Variants in ARFGEF1 observed in about 807,000 individuals in gnomAD.
ARFGEF1 encodes ARF guanine nucleotide exchange factor 1.
A neutral mutation model predicts 231.0 loss-of-function variants in ARFGEF1; 42 were observed. The observed-to-expected ratio is 0.18, with a 90% CI of 0.14 to 0.24. ARFGEF1 has a LOEUF of 0.24. ARFGEF1 is among the 10% of genes least tolerant of loss of function. ARFGEF1 has a pLI of 1.00. For missense variants in ARFGEF1, 1,345 were observed against 2,192.0 expected (o/e 0.61, Z 7.72); for synonymous variants, 710 against 732.3 (o/e 0.97, Z 0.49).
At chr8:67,238,217 T>G in intron 22 of ARFGEF1, 126 bp downstream of exon 22, 1 of 1,014,230 alleles carries the variant, frequency 9.9e-7, no homozygotes, top group Non-Finnish European at 1.4e-6. Flanking sequence ...GTCATCTTGC[T>G]TTTTCTCATA....
chr8:67,202,103 A>C (rs1340932106), intron 36 of ARFGEF1, among the ~76,000 whole-genome samples: 1 of 152,236 alleles, frequency 6.6e-6, no homozygotes, highest in African/African-American at 2.4e-5. Context: ...TGTAAAGGAA[A>C]GAGAATGGCA....
Position 67,219,577 on chromosome 8 carries a change from C to T in ARFGEF1, c.4209-17G>A, listed in dbSNP as rs1474095611. 6.4e-7 allele frequency: 1 copy of T among 1,571,610 alleles called. No individual in the cohort carries two copies. The highest frequency in any genetic ancestry group is 2.3e-5 in the East Asian group (1 of 43,818). ...GTTAAACCCCTAAAATGACAAAACACAATTAGAAAGCTGTAATACAAAAAA... is the reference window on the plus strand; with the variant it reads ...GTTAAACCCCTAAAATGACAAAACATAATTAGAAAGCTGTAATACAAAAAA... On this transcript the variant is annotated splice_polypyrimidine_tract_variant and intron_variant, in intron 29 of 38. Coordinates refer to ENST00000262215, the MANE Select transcript of ARFGEF1 (RefSeq NM_006421.5).
chr8:67,240,932 A>G (rs1255103862), intron 19 of ARFGEF1, among the ~76,000 whole-genome samples: 1 of 152,186 alleles, frequency 6.6e-6, no homozygotes, highest in African/African-American at 2.4e-5. Context: ...AGCAAAAAAG[A>G]CGCTACTTTT....
At chr8:67,326,595 A>C (rs1563917452) in intron 1 of ARFGEF1, among the ~76,000 whole-genome samples, 1 of 152,220 alleles carries the variant, frequency 6.6e-6, no homozygotes, top group Non-Finnish European at 1.5e-5. Flanking sequence ...GTTCTCTCAA[A>C]AATACTTTTT....
intron 15 of ARFGEF1, among the ~76,000 whole-genome samples, chr8:67,258,879 G>A (rs1255825001): frequency 2.0e-5 from 3 of 148,156 alleles, no homozygotes; most frequent in East Asian, 1.9e-4. Flanking sequence ...TATCAGTGGG[G>A]GATTGGTTCC....
intron 29 of ARFGEF1, among the ~76,000 whole-genome samples, chr8:67,221,514 A>G (rs946141755): frequency 7.9e-5 from 12 of 152,204 alleles, no homozygotes; most frequent in Non-Finnish European, 1.6e-4. Context: ...AGCTTATAGA[A>G]TAAGGATATA....
chr8:67,328,537 T>C (rs556158891), intron 1 of ARFGEF1, among the ~76,000 whole-genome samples: 1 of 152,328 alleles, frequency 6.6e-6, no homozygotes, highest in East Asian at 1.9e-4. Context: ...TATCCATATG[T>C]TACACAGCTT....
At chr8:67,271,387 T>A (rs901060534) in intron 10 of ARFGEF1, among the ~76,000 whole-genome samples, 1 of 152,194 alleles carries the variant, frequency 6.6e-6, no homozygotes, top group African/African-American at 2.4e-5. Flanking sequence ...TGTATTCGAA[T>A]ATACCACACA....
intron 1 of ARFGEF1, among the ~76,000 whole-genome samples, chr8:67,320,755 G>C (rs7002191): frequency 0.29 from 44,542 of 151,764 alleles, 6,640 homozygotes; most frequent in East Asian, 0.38. Context: ...TCAGGAGCTC[G>C]AGGCCAGGTC....
chr8:67,249,365 G>A (rs1346513500), intron 19 of ARFGEF1, among the ~76,000 whole-genome samples: 6 of 150,260 alleles, frequency 4.0e-5, no homozygotes, highest in South Asian at 2.1e-4. Flanking sequence ...AGGCAGGCAA[G>A]GCTAAGCTAT....
chr8:67,299,946 G>A (rs1806403284), intron 3 of ARFGEF1, among the ~76,000 whole-genome samples: 1 of 151,824 alleles, frequency 6.6e-6, no homozygotes, highest in Admixed American at 6.6e-5. Flanking sequence ...TCCAACGTAG[G>A]TGACAGTGAG....
At position 67,299,363 on chromosome 8, in the gene ARFGEF1, G is replaced by A; in HGVS notation, c.313-8C>T. 1 of 1,597,982 alleles carries A rather than the reference G, an allele frequency of 6.3e-7. No individual in the cohort carries two copies. The highest frequency in any genetic ancestry group is 8.5e-7 in the Non-Finnish European group (1 of 1,175,782). On this transcript the variant is annotated splice_polypyrimidine_tract_variant and splice_region_variant and intron_variant, in intron 3 of 38. Transcript: ENST00000262215. ...CCCATAAGCAATAAGTTTCTAAAATGGAGAAAGAAAACAAAGATCCTAAGT... is the reference window on the plus strand; with the variant it reads ...CCCATAAGCAATAAGTTTCTAAAATAGAGAAAGAAAACAAAGATCCTAAGT...
chr8:67,263,740 A>C (rs905494801), intron 14 of ARFGEF1, among the ~76,000 whole-genome samples: 1 of 152,192 alleles, frequency 6.6e-6, no homozygotes, highest in Non-Finnish European at 1.5e-5. Flanking sequence ...TACCCCTAGA[A>C]GCTCTCACTG....
At chr8:67,239,934 A>T (rs1490158501) in intron 20 of ARFGEF1, among the ~76,000 whole-genome samples, 1 of 152,186 alleles carries the variant, frequency 6.6e-6, no homozygotes, top group South Asian at 2.1e-4. Flanking sequence ...AATAGAGAAA[A>T]AAAACTGTAA....
intron 3 of ARFGEF1, 83 bp from the exon 4 acceptor site, chr8:67,299,438 TA>T (rs1478518641): frequency 7.8e-7 from 1 of 1,278,718 alleles, no homozygotes; most frequent in African/African-American, 1.6e-5. Flanking sequence ...AAAATTACAG[TA>T]TACAATTGAA....
At chr8:67,193,043 T>G (rs544162518), downstream of ARFGEF1, among the ~76,000 whole-genome samples, 16 of 152,364 alleles carry the variant, frequency 1.1e-4, no homozygotes, top group South Asian at 6.2e-4. Flanking sequence ...AGCCATAATA[T>G]ACGTGCTCTA....
At chr8:67,245,232 C>T (rs1399884730) in intron 19 of ARFGEF1, among the ~76,000 whole-genome samples, 2 of 150,462 alleles carry the variant, frequency 1.3e-5, no homozygotes, top group African/African-American at 2.5e-5. Context: ...AAAGGGAGTA[C>T]TTCAATCAGA....
chr8:67,200,397 C>G lies in ARFGEF1; in HGVS notation c.5384G>C (p.Arg1795Thr). The change falls in exon 38 of 39, where the codon AGG (arginine) becomes ACG (threonine). Residue 1795 changes from arginine to threonine, a missense_variant and splice_region_variant. Arg to Thr is a moderately conservative substitution (Grantham distance 71). Around this residue, in one of 14 missense-constraint regions of ARFGEF1, gnomAD observed 161 missense variants for 284.9 expected, o/e 0.57. Transcript: ENST00000262215. ...LTKVLKISDN[R>T]FKAHASFYYP... ...CTGGATTCGAAGCCTCATACTTACCCTATTATCACTTATCTTTAGAACTTT... is the reference window on the plus strand; with the variant it reads ...CTGGATTCGAAGCCTCATACTTACCGTATTATCACTTATCTTTAGAACTTT... 1 of 1,546,700 alleles carries G rather than the reference C, an allele frequency of 6.5e-7. No homozygotes were observed. The highest frequency in any genetic ancestry group is 8.9e-7 in the Non-Finnish European group (1 of 1,118,862).
intron 1 of ARFGEF1, among the ~76,000 whole-genome samples, chr8:67,313,405 G>A (rs1807160868): frequency 6.6e-6 from 1 of 152,082 alleles, no homozygotes; most frequent in Non-Finnish European, 1.5e-5. Context: ...CTTCTCATTT[G>A]GGTAGCCTCG....
Sources: gnomAD v4.1 joint callset for allele counts (sites outside exome capture counted in the v4.1 genomes callset) on GRCh38, gnomAD v4.1.1 for gene constraint, gnomAD v4.1.1 regional missense constraint, MANE v1.5 for transcripts, NCBI Gene and HGNC (gene_info 2026-07-23, HGNC 2026-07-21) for gene names.